The following KCNK10 variants were observed in gnomAD, a reference collection of about 807,000 sequenced individuals.
KCNK10 encodes the protein potassium channel subfamily K member 10.
Under a neutral mutation model 47.7 loss-of-function variants are expected in KCNK10, and 25 were observed. The observed-to-expected ratio is 0.52, with a 90% CI of 0.38 to 0.73. KCNK10 has a LOEUF of 0.73. Among genes scored for constraint, KCNK10 ranks in the 30% least tolerant of loss-of-function variants. KCNK10 has a pLI of 0.00. For synonymous variants in KCNK10, 303 were observed against 285.6 expected (o/e 1.06, Z -0.61); for missense variants, 563 against 714.5 (o/e 0.79, Z 2.42).
At chr14:88,251,631 G>T (rs764883460) in intron 2 of KCNK10, among the ~76,000 whole-genome samples, 2 of 152,152 alleles carry the variant, frequency 1.3e-5, no homozygotes, top group Non-Finnish European at 2.9e-5. Context: ...AAACCCTTTG[G>T]GTTTATACGA....
rs569546487 is a variant in KCNK10, at chr14:88,282,854, G to A, written c.53-19303C>T. On this transcript the variant is annotated intron_variant, in intron 1 of 6. Coordinates refer to ENST00000319231, the MANE Select transcript of KCNK10 (RefSeq NM_138317.3). ...CATGCACAAAAATCAACAGAGGCTG[G>A]AATCCACGACCTCCTGACAGTGCTT... 1.6e-4 allele frequency among the ~76,000 whole-genome samples: 24 copies of A among 152,280 alleles called. No homozygotes were observed. In the South Asian group the frequency reaches 5.0e-3, roughly 32 times the overall value.
intron 2 of KCNK10, among the ~76,000 whole-genome samples, chr14:88,257,983 C>T (rs1887005335): frequency 6.6e-6 from 1 of 152,068 alleles, no homozygotes; most frequent in African/African-American, 2.4e-5. Context: ...ATAGCACCTC[C>T]CCAGCTGTAA....
chr14:88,224,752 G>A (rs1296394373), intron 4 of KCNK10, among the ~76,000 whole-genome samples: 1 of 152,120 alleles, frequency 6.6e-6, no homozygotes, highest in Non-Finnish European at 1.5e-5. Flanking sequence ...TGGGATTACA[G>A]GCATGCACCA....
intron 1 of KCNK10, among the ~76,000 whole-genome samples, chr14:88,274,670 G>A (rs971584834): frequency 1.3e-5 from 2 of 151,578 alleles, no homozygotes; most frequent in African/African-American, 4.8e-5. Flanking sequence ...CAAATAGCTA[G>A]AGGTACTTCG....
At chr14:88,212,820 T>C (rs563221393) in intron 4 of KCNK10, among the ~76,000 whole-genome samples, 29 of 152,278 alleles carry the variant, frequency 1.9e-4, no homozygotes, top group Non-Finnish European at 3.4e-4. Context: ...CCCCCAGAAA[T>C]ACAAAGTGCA....
chr14:88,221,741 C>CTA (rs1885816370), intron 4 of KCNK10, among the ~76,000 whole-genome samples: 1 of 152,188 alleles, frequency 6.6e-6, no homozygotes, highest in Non-Finnish European at 1.5e-5. Flanking sequence ...AACCAAAAAA[C>CTA]CTGTGCACAG....
chr14:88,192,148 T>C, intron 5 of KCNK10, 76 bp downstream of exon 5: 2 of 1,372,554 alleles, frequency 1.5e-6, no homozygotes, highest in Non-Finnish European at 2.0e-6. Context: ...ACATCTTTTA[T>C]CGATTGCGAA....
intron 3 of KCNK10, among the ~76,000 whole-genome samples, chr14:88,237,349 T>C (rs974549073): frequency 2.0e-5 from 3 of 152,228 alleles, no homozygotes; most frequent in Non-Finnish European, 4.4e-5. Context: ...AAGTCATCCA[T>C]GAGCCTTGGA....
intron 4 of KCNK10, among the ~76,000 whole-genome samples, chr14:88,195,906 CA>C (rs1884897115): frequency 6.6e-6 from 1 of 152,148 alleles, no homozygotes; most frequent in Non-Finnish European, 1.5e-5. Context: ...GGTTGCTAGG[CA>C]AAATTGCATG....
chr14:88,265,725 G>T (rs1253176602), intron 1 of KCNK10, among the ~76,000 whole-genome samples: 2 of 152,174 alleles, frequency 1.3e-5, no homozygotes, highest in East Asian at 3.9e-4. Flanking sequence ...CCCGTGGGAG[G>T]TAATTGAAGC....
At chr14:88,271,127 G>A (rs534631702) in intron 1 of KCNK10, among the ~76,000 whole-genome samples, 3 of 151,970 alleles carry the variant, frequency 2.0e-5, no homozygotes, top group South Asian at 4.2e-4. Flanking sequence ...CCCACCTTAC[G>A]TGTCCCCACC....
At chr14:88,255,724 T>C (rs1047935384) in intron 2 of KCNK10, among the ~76,000 whole-genome samples, 1 of 151,372 alleles carries the variant, frequency 6.6e-6, no homozygotes, top group Non-Finnish European at 1.5e-5. Context: ...CTGAGGGGAT[T>C]GGACCAACCT....
At chr14:88,324,141 G>A (rs1258388077), upstream of KCNK10, among the ~76,000 whole-genome samples, 1 of 152,244 alleles carries the variant, frequency 6.6e-6, no homozygotes, top group Non-Finnish European at 1.5e-5. Flanking sequence ...CCCGGAAGCG[G>A]CGGCCCCGGG....
At chr14:88,312,484 T>G (rs1296438541) in intron 1 of KCNK10, among the ~76,000 whole-genome samples, 3 of 152,218 alleles carry the variant, frequency 2.0e-5, no homozygotes, top group African/African-American at 4.8e-5. Flanking sequence ...CTGCAGGCAC[T>G]GCAGGAACAC....
At position 88,192,352 on chromosome 14, in the gene KCNK10, G is replaced by A; in HGVS notation, c.740C>T (p.Ala247Val). The A allele has an allele frequency of 4.3e-6, 7 of 1,614,112 alleles. No individual in the cohort carries two copies. The highest frequency in any genetic ancestry group is 5.9e-6 in the Non-Finnish European group (7 of 1,180,020). The change falls in exon 5 of 7, where the codon GCC (alanine) becomes GTC (valine). Residue 247 changes from alanine to valine, a missense_variant. Coordinates refer to ENST00000319231, the MANE Select transcript of KCNK10 (RefSeq NM_138317.3). The stretch of plus-strand genomic sequence containing the variant: ...GATCGTCACAAACACAATGCAGCCG[G>A]CCAAGATGAACAGGATGGTTGAGAT... ...RVISTILFIL[A>V]GCIVFVTIPA...
intron 1 of KCNK10, among the ~76,000 whole-genome samples, chr14:88,277,207 T>C (rs568316825): frequency 1.0e-3 from 124 of 120,546 alleles, no homozygotes; most frequent in African/African-American, 3.9e-3. Context: ...ATACAAAACT[T>C]AAATGGAAAA....
intron 2 of KCNK10, among the ~76,000 whole-genome samples, chr14:88,249,387 C>T (rs1886731478): frequency 1.3e-5 from 2 of 152,124 alleles, no homozygotes; most frequent in African/African-American, 4.8e-5. Flanking sequence ...GACACAAAGC[C>T]CTGCCACTCT....
intron 6 of KCNK10, 31 bp downstream of exon 6, chr14:88,187,936 G>C (rs1437223207): frequency 1.1e-5 from 18 of 1,612,746 alleles, no homozygotes; most frequent in Non-Finnish European, 1.4e-5. Context: ...CTGTTCTCAG[G>C]AACATTCATA....
intron 4 of KCNK10, among the ~76,000 whole-genome samples, chr14:88,193,081 T>C (rs1015461238): frequency 6.6e-6 from 1 of 152,228 alleles, no homozygotes; most frequent in Non-Finnish European, 1.5e-5. Context: ...GTGATCATCA[T>C]GTGTGTTGAC....
Sources: gnomAD v4.1 joint callset for allele counts (sites outside exome capture counted in the v4.1 genomes callset) on GRCh38, gnomAD v4.1.1 for gene constraint, MANE v1.5 for transcripts, NCBI Gene and HGNC (gene_info 2026-07-23, HGNC 2026-07-21) for gene names.